The following PRELID2 variants were observed in gnomAD, a reference collection of about 807,000 sequenced individuals.
PRELID2 encodes the protein PRELI domain-containing protein 2.
In PRELID2, 25 loss-of-function variants were observed where a neutral mutation model predicts 28.4. That is an observed-to-expected ratio of 0.88 (90% CI 0.64 to 1.23). The LOEUF (loss-of-function observed/expected upper bound fraction) is 1.23. PRELID2 is among the 50% of genes most tolerant of loss of function. The probability of loss-of-function intolerance (pLI) is 0.00; values close to 1 mark genes in which losing one functional copy is unlikely to be tolerated. For missense variants in PRELID2, 201 were observed against 214.4 expected, an observed-to-expected ratio of 0.94 and a Z score of 0.39; for synonymous variants, 76 against 71.6, an observed-to-expected ratio of 1.06 and a Z score of -0.31.
At chr5:145,687,209 A>G (rs73794410) in intron 1 of PRELID2, among the ~76,000 whole-genome samples, 20,156 of 152,118 alleles carry the variant, frequency 0.13, 2,137 homozygotes, top group African/African-American at 0.28. Flanking sequence ...TGGGGATGAA[A>G]CTATGGGGGG....
At chr5:145,522,632 T>C (rs79914274) in intron 1 of PRELID2, among the ~76,000 whole-genome samples, 3,301 of 152,330 alleles carry the variant, frequency 0.022, 121 homozygotes, top group African/African-American at 0.076. Flanking sequence ...ACCCATACAC[T>C]AGACTTCACA....
At chr5:145,715,507 G>A (rs1474493477) in intron 1 of PRELID2, among the ~76,000 whole-genome samples, 1 of 152,110 alleles carries the variant, frequency 6.6e-6, no homozygotes, top group Non-Finnish European at 1.5e-5. Context: ...ATCCAATCAA[G>A]TTACTCTCCT....
chr5:145,405,285 G>GT, the PRELID2 span, among the ~76,000 whole-genome samples: 2 of 152,260 alleles, frequency 1.3e-5, no homozygotes, highest in African/African-American at 2.4e-5. Flanking sequence ...TAACAGCACT[G>GT]TTTTTTCACA....
the PRELID2 span, among the ~76,000 whole-genome samples, chr5:145,425,520 G>T: frequency 3.3e-5 from 5 of 152,278 alleles, no homozygotes; most frequent in East Asian, 9.6e-4. Context: ...GCCCATCAAT[G>T]ATAGACTGAA....
chr5:145,295,887 G>C, the PRELID2 span, among the ~76,000 whole-genome samples: 1 of 152,138 alleles, frequency 6.6e-6, no homozygotes, highest in Non-Finnish European at 1.5e-5. Context: ...GGGATGATTT[G>C]TGAGAATTTG....
chr5:145,601,733 G>A (rs978572877), intron 1 of PRELID2, among the ~76,000 whole-genome samples: 1 of 152,208 alleles, frequency 6.6e-6, no homozygotes, highest in Non-Finnish European at 1.5e-5. Context: ...GGAGACTGAT[G>A]TGTAACTTTG....
the PRELID2 span, among the ~76,000 whole-genome samples, chr5:145,429,474 G>A: frequency 6.6e-6 from 1 of 152,154 alleles, no homozygotes; most frequent in Admixed American, 6.5e-5. Context: ...AGCAAAAGCT[G>A]CCTATTACAG....
chr5:145,390,680 C>A, the PRELID2 span, among the ~76,000 whole-genome samples: 223 of 152,286 alleles, frequency 1.5e-3, no homozygotes, highest in African/African-American at 5.0e-3. Context: ...TTTCAAAACA[C>A]CGTCATCCCT....
the PRELID2 span, among the ~76,000 whole-genome samples, chr5:145,368,245 G>A: frequency 6.6e-6 from 1 of 151,908 alleles, no homozygotes; most frequent in African/African-American, 2.4e-5. Context: ...TTAAATGATT[G>A]AATGTTTTAA....
the PRELID2 span, among the ~76,000 whole-genome samples, chr5:145,244,024 C>T: frequency 6.6e-6 from 1 of 152,236 alleles, no homozygotes; most frequent in Non-Finnish European, 1.5e-5. Context: ...ACAATCTCAG[C>T]TCACTGTAAC....
At chr5:145,608,793 G>A (rs1397385214) in intron 1 of PRELID2, among the ~76,000 whole-genome samples, 1 of 152,188 alleles carries the variant, frequency 6.6e-6, no homozygotes, top group Non-Finnish European at 1.5e-5. Flanking sequence ...CCTCTCTGGT[G>A]AGGTTAGGGA....
At chr5:145,339,980 C>A in the PRELID2 span, among the ~76,000 whole-genome samples, 1 of 152,134 alleles carries the variant, frequency 6.6e-6, no homozygotes, top group Admixed American at 6.5e-5. Flanking sequence ...GGGCTAACTT[C>A]ACTCTCCATG....
chr5:145,322,867 G>C, the PRELID2 span, among the ~76,000 whole-genome samples: 1 of 152,128 alleles, frequency 6.6e-6, no homozygotes, highest in Non-Finnish European at 1.5e-5. Context: ...TGTAGTCCCA[G>C]CTACTCGGGA....
intron 1 of PRELID2, among the ~76,000 whole-genome samples, chr5:145,600,430 A>T (rs1190233166): frequency 0.019 from 2,390 of 125,430 alleles, 44 homozygotes; most frequent in Admixed American, 0.045. Context: ...GAAAAAAAAA[A>T]AAAAATATAT....
At chr5:145,815,122 T>C (rs60397743) in intron 4 of PRELID2, among the ~76,000 whole-genome samples, 2,317 of 152,280 alleles carry the variant, frequency 0.015, 43 homozygotes, top group African/African-American at 0.048. Context: ...CATTTTGGGA[T>C]TGGTGTCCTT....
At chr5:145,485,883 T>C (rs1336403843) in intron 1 of PRELID2, among the ~76,000 whole-genome samples, 1 of 152,226 alleles carries the variant, frequency 6.6e-6, no homozygotes, top group Non-Finnish European at 1.5e-5. Context: ...GAGATCTTAA[T>C]TGAAACTTTT....
At position 145,819,962 on chromosome 5, in the gene PRELID2, G is replaced by T. The variant is rs769073599; in HGVS notation, c.190C>A (p.Pro64Thr). 1.2e-6 allele frequency: 2 copies of T among 1,603,988 alleles called. No homozygotes were observed. Among genetic ancestry groups the T allele is most frequent in the South Asian group, 2.2e-5 (2 of 89,390 alleles). The change falls in exon 3 of 7, where the codon CCA becomes ACA. Residue 64 changes from proline (P) to threonine (T), a missense_variant. Transcript: ENST00000683046. ...KRIAICQNVV[P>T]EILRKVSILK... Reference sequence around the variant, plus strand: ...GAACTTACCTTCCTTAAAATTTCTGGAACCACGTTCTGACAGATTGCAATC... The same window carrying T: ...GAACTTACCTTCCTTAAAATTTCTGTAACCACGTTCTGACAGATTGCAATC...
chr5:145,725,370 C>A (rs780236009), intron 1 of PRELID2, among the ~76,000 whole-genome samples: 2 of 152,110 alleles, frequency 1.3e-5, no homozygotes, highest in Non-Finnish European at 2.9e-5. Flanking sequence ...GGATGTAAAC[C>A]TTTAAGCATT....
At chr5:145,527,950 T>C (rs1752623275) in intron 1 of PRELID2, among the ~76,000 whole-genome samples, 2 of 152,128 alleles carry the variant, frequency 1.3e-5, no homozygotes, top group South Asian at 2.1e-4. Flanking sequence ...TGCCCTGTTG[T>C]CCCATTACCA....
Sources: allele counts gnomAD v4.1 joint callset (sites outside exome capture counted in the v4.1 genomes callset), GRCh38; gene constraint gnomAD v4.1.1; transcripts MANE v1.5; gene names NCBI Gene and HGNC (gene_info 2026-07-23, HGNC 2026-07-21).